Variants in LY86 observed in about 807,000 individuals in gnomAD.
LY86 encodes the protein MD-1, RP105-associated.
A neutral mutation model predicts 17.3 loss-of-function variants in LY86; 20 were observed. The observed-to-expected ratio is 1.15, with a 90% CI of 0.81 to 1.68. The LOEUF (loss-of-function observed/expected upper bound fraction) is 1.68. LY86 is among the 40% of genes most tolerant of loss of function. The pLI, the probability that LY86 is intolerant of heterozygous loss-of-function variation, is 0.00. For synonymous variants in LY86, 74 were observed against 70.6 expected, an observed-to-expected ratio of 1.05 and a Z score of -0.24; for missense variants, 200 against 191.9, an observed-to-expected ratio of 1.04 and a Z score of -0.25.
intron 4 of LY86, among the ~76,000 whole-genome samples, chr6:6,653,754 C>T (rs1162465706): frequency 6.6e-6 from 1 of 151,638 alleles, no homozygotes; most frequent in Non-Finnish European, 1.5e-5. Flanking sequence ...GGCCAGGAGC[C>T]TTGGAGTCAC....
chr6:6,598,155 AAATT>A (rs1267447457), intron 1 of LY86, among the ~76,000 whole-genome samples: 6 of 152,258 alleles, frequency 3.9e-5, no homozygotes, highest in African/African-American at 1.2e-4. Context: ...TAAATTTAAC[AAATT>A]AATTTTTGCA....
intron 3 of LY86, among the ~76,000 whole-genome samples, chr6:6,648,500 G>A (rs1481284966): frequency 6.6e-6 from 1 of 152,010 alleles, no homozygotes; most frequent in Admixed American, 6.5e-5. Flanking sequence ...TCCTTATTTT[G>A]TTATTCTGAG....
intron 1 of LY86, among the ~76,000 whole-genome samples, chr6:6,620,000 G>A (rs538360944): frequency 1.3e-5 from 2 of 152,300 alleles, no homozygotes; most frequent in South Asian, 4.1e-4. Context: ...GCTGGTGGAA[G>A]TGAGATTGGA....
intron 1 of LY86, among the ~76,000 whole-genome samples, chr6:6,611,545 T>C (rs1440765560): frequency 6.6e-6 from 1 of 152,202 alleles, no homozygotes. Flanking sequence ...TATATAGGAA[T>C]ATACTTAAGA....
At chr6:6,605,221 A>G (rs1456351909) in intron 1 of LY86, among the ~76,000 whole-genome samples, 2 of 152,270 alleles carry the variant, frequency 1.3e-5, no homozygotes, top group Admixed American at 6.5e-5. Flanking sequence ...CTATTTCTGC[A>G]TAACAAATAC....
chr6:6,632,237 G>C (rs1020935393), intron 3 of LY86, among the ~76,000 whole-genome samples: 2 of 152,214 alleles, frequency 1.3e-5, no homozygotes, highest in African/African-American at 4.8e-5. Context: ...GCAGCTGGCA[G>C]GAGGAAGAGC....
At chr6:6,648,776 A>G (rs1041735321) in intron 3 of LY86, among the ~76,000 whole-genome samples, 1 of 151,788 alleles carries the variant, frequency 6.6e-6, no homozygotes, top group South Asian at 2.1e-4. Flanking sequence ...AAAAAAGAAA[A>G]AAACAAGGAA....
chr6:6,620,625 C>T (rs1761651813), intron 1 of LY86, among the ~76,000 whole-genome samples: 1 of 152,230 alleles, frequency 6.6e-6, no homozygotes, highest in Non-Finnish European at 1.5e-5. Context: ...CTTCTTCCTA[C>T]TGATTCCAGT....
rs116291702 is a variant in LY86, at chr6:6,593,337, T to A, written c.136+4467T>A. Among the ~76,000 whole-genome samples, 1,078 of 152,372 alleles carry A rather than the reference T, an allele frequency of 7.1e-3. 7 individuals carry two copies. The highest frequency in any genetic ancestry group is 0.011 in the Non-Finnish European group (742 of 68,042). ...CTGTTTCAAAGCTCCCTCTGCCTCCTTCCTGTAAGGACCCTTGTGATTAGG... is the reference window on the plus strand; with the variant it reads ...CTGTTTCAAAGCTCCCTCTGCCTCCATCCTGTAAGGACCCTTGTGATTAGG... On this transcript the variant is annotated intron_variant, in intron 1 of 4. Coordinates refer to ENST00000230568, the MANE Select transcript of LY86 (RefSeq NM_004271.4).
intron 1 of LY86, among the ~76,000 whole-genome samples, chr6:6,606,162 T>C (rs570788532): frequency 2.6e-5 from 4 of 152,254 alleles, no homozygotes; most frequent in South Asian, 2.1e-4. Context: ...AGGGCACTGA[T>C]TGGTGCGTTT....
chr6:6,625,704 T>C (rs772585934), intron 2 of LY86, among the ~76,000 whole-genome samples: 5 of 152,238 alleles, frequency 3.3e-5, no homozygotes, highest in African/African-American at 7.2e-5. Context: ...CGCATCTTTG[T>C]ATTTCTAGAA....
At chr6:6,591,572 C>A (rs1321488211) in intron 1 of LY86, 1 of 153,578 alleles carries the variant, frequency 6.5e-6, no homozygotes, top group African/African-American at 2.4e-5. Context: ...GGCCACCAGG[C>A]TAAGTACTTT....
chr6:6,640,554 C>T (rs1340268328), intron 3 of LY86, among the ~76,000 whole-genome samples: 1 of 151,724 alleles, frequency 6.6e-6, no homozygotes, highest in African/African-American at 2.4e-5. Context: ...ACCCCCATCT[C>T]TAAAAAATTT....
At chr6:6,611,962 T>C (rs1323631284) in intron 1 of LY86, among the ~76,000 whole-genome samples, 1 of 152,214 alleles carries the variant, frequency 6.6e-6, no homozygotes, top group Non-Finnish European at 1.5e-5. Flanking sequence ...CCAAGCAATC[T>C]ACTTGAAAGG....
intron 1 of LY86, among the ~76,000 whole-genome samples, chr6:6,607,143 A>G (rs983439149): frequency 1.3e-5 from 2 of 152,284 alleles, no homozygotes; most frequent in African/African-American, 2.4e-5. Context: ...GTGAGTGAAC[A>G]TTAAAGCATT....
At chr6:6,647,968 TACACACACACAC>T (rs57233850) in intron 3 of LY86, among the ~76,000 whole-genome samples, 36,002 of 144,646 alleles carry the variant, frequency 0.25, 4,503 homozygotes, top group Middle Eastern at 0.33. Context: ...AATCATCACA[TACACACACACAC>T]ACACACACAC....
intron 3 of LY86, among the ~76,000 whole-genome samples, chr6:6,637,886 G>A (rs763559624): frequency 3.9e-5 from 6 of 152,094 alleles, no homozygotes; most frequent in South Asian, 2.1e-4. Context: ...TTTATAAGTC[G>A]TATTTTGAAT....
At chr6:6,603,757 G>A (rs934419043) in intron 1 of LY86, among the ~76,000 whole-genome samples, 2 of 152,032 alleles carry the variant, frequency 1.3e-5, no homozygotes, top group East Asian at 3.9e-4. Context: ...GTTTGGTAAG[G>A]AAGCCCTTCC....
intron 1 of LY86, among the ~76,000 whole-genome samples, chr6:6,611,676 A>G (rs10458189): frequency 0.085 from 12,989 of 152,284 alleles, 672 homozygotes; most frequent in South Asian, 0.2. Context: ...CCTTGTGGCT[A>G]CGCTGCGCGC....
Sources: gnomAD v4.1 joint callset for allele counts (sites outside exome capture counted in the v4.1 genomes callset) on GRCh38, gnomAD v4.1.1 for gene constraint, MANE v1.5 for transcripts, NCBI Gene and HGNC (gene_info 2026-07-23, HGNC 2026-07-21) for gene names.